WDR90: variants seen among roughly 807,000 people sequenced by gnomAD.
WDR90 encodes WD repeat domain 90.
WDR90 carries 238 observed loss-of-function variants against 195.2 expected under a neutral mutation model. The observed-to-expected ratio is 1.22, with a 90% CI of 1.10 to 1.36. WDR90 has a LOEUF of 1.36. Among genes scored for constraint, WDR90 ranks in the 40% most tolerant of loss-of-function variants. The pLI, the probability that WDR90 is intolerant of heterozygous loss-of-function variation, is 0.00. For missense variants in WDR90, 2,734 were observed against 2,439.5 expected, an observed-to-expected ratio of 1.12 and a Z score of -2.54; for synonymous variants, 1,265 against 1,052.4, an observed-to-expected ratio of 1.20 and a Z score of -3.91.
At chr16:665,571 A>T (rs1232097899) in intron 34 of WDR90, 108 bp from the exon 35 acceptor site, 1 of 1,568,788 alleles carries the variant, frequency 6.4e-7, no homozygotes, top group Non-Finnish European at 8.7e-7. Flanking sequence ...CCAGAGGCAC[A>T]TGCTCTGGTT....
Position 655,026 on chromosome 16 carries a change from C to G in WDR90, c.1438-3C>G, listed in dbSNP as rs1325404848. 1.2e-6 allele frequency: 2 copies of G among 1,612,106 alleles called. No individual in the cohort carries two copies. Among genetic ancestry groups the G allele is most frequent in the African/African-American group, 1.3e-5 (1 of 75,032 alleles). On this transcript the variant is annotated splice_region_variant and splice_polypyrimidine_tract_variant and intron_variant, in intron 13 of 40. Transcript: ENST00000293879. ...GTGCGGGCTCAGCCTGGGCTTGTTGCAGATGGTGGTGGCCTGGGGCACCGG... is the reference window on the plus strand; with the variant it reads ...GTGCGGGCTCAGCCTGGGCTTGTTGGAGATGGTGGTGGCCTGGGGCACCGG...
chr16:652,640 G>A, intron 10 of WDR90, 105 bp downstream of exon 10: 3 of 1,236,544 alleles, frequency 2.4e-6, no homozygotes, highest in South Asian at 2.4e-5. Context: ...GTGGCTGTGT[G>A]TGGGCTCCCG....
At position 653,634 on chromosome 16, in the gene WDR90, T is replaced by C. The variant is rs911477210; in HGVS notation, c.1343T>C (p.Leu448Pro). 1.2e-6 allele frequency: 2 copies of C among 1,613,556 alleles called. No homozygotes were observed. The highest frequency in any genetic ancestry group is 1.7e-5 in the Admixed American group (1 of 60,022). The change falls in exon 12 of 41, where the codon CTG becomes CCG. Residue 448 changes from leucine to proline, a missense_variant. Transcript: ENST00000293879. ...TTCCAGACCGGGCGGTGCTTGTGCCTGTTCCGGAGCCCAATGCACGTTGTC... is the reference window on the plus strand; with the variant it reads ...TTCCAGACCGGGCGGTGCTTGTGCCCGTTCCGGAGCCCAATGCACGTTGTC... ...WDFQTGRCLC[L>P]FRSPMHVVCS...
chr16:666,237 G>A lies in WDR90; in HGVS notation c.4627G>A (p.Gly1543Arg). Residue 1543 changes from glycine to arginine, a missense_variant, in exon 37 of 41, where the codon GGA becomes AGA. By Grantham distance (125) the Gly-to-Arg change is moderately radical. Transcript: ENST00000293879. ...FSTDGQTVLSGDKDGLVAVSH... is the reference protein window; with the variant it reads ...FSTDGQTVLSRDKDGLVAVSH... ...GGTCCCAGGTCAGACTGTCCTCTCT[G>A]GAGACAAGGATGGGCTCGTGGCTGT... is the stretch of plus-strand genomic sequence containing the variant. 1 of 1,612,654 alleles carries A rather than the reference G, an allele frequency of 6.2e-7. No individual in the cohort carries two copies. Among genetic ancestry groups the A allele is most frequent in the Non-Finnish European group, 8.5e-7 (1 of 1,179,922 alleles).
chr16:650,635 A>G lies in WDR90; in HGVS notation c.485A>G (p.His162Arg). 1 of 1,612,808 alleles carries G rather than the reference A, an allele frequency of 6.2e-7. No homozygotes were observed. The highest frequency in any genetic ancestry group is 8.5e-7 in the Non-Finnish European group (1 of 1,179,944). ...GTCTACCTGAACCGGTGCTACGGCCATCTCAAGAGCATCAGGCTGTGCGCC... is the reference window on the plus strand; with the variant it reads ...GTCTACCTGAACCGGTGCTACGGCCGTCTCAAGAGCATCAGGCTGTGCGCC... ...LLVYLNRCYG[H>R]LKSIRLCASL... The change falls in exon 5 of 41, where the codon CAT (histidine) becomes CGT (arginine). Residue 162 changes from histidine to arginine, a missense_variant. By Grantham distance (29) the His-to-Arg change is conservative. Transcript: ENST00000293879.
intron 34 of WDR90, among the ~76,000 whole-genome samples, chr16:664,323 C>T (rs1241258983): frequency 6.6e-6 from 1 of 152,226 alleles, no homozygotes; most frequent in Non-Finnish European, 1.5e-5. Context: ...ACTGGCTCAC[C>T]TGGCTTCTCA....
intron 34 of WDR90, chr16:665,440 G>A (rs372302997): frequency 1.7e-4 from 108 of 619,242 alleles, no homozygotes; most frequent in Admixed American, 3.2e-4. Flanking sequence ...CTTTCTCCTC[G>A]GTATCCCGCC....
chr16:652,570 CGTT>C (rs2037668530), intron 10 of WDR90, 35 bp downstream of exon 10: 4 of 1,570,566 alleles, frequency 2.5e-6, no homozygotes, highest in African/African-American at 1.4e-5. Context: ...GAGCAGCTCT[CGTT>C]GGCCGGCTCG....
chr16:651,630 TTGCTC>T lies in WDR90; in HGVS notation c.737-11_737-7del, dbSNP rs778001791. 32 of 1,611,110 alleles carry T rather than the reference TTGCTC, an allele frequency of 2.0e-5. No homozygotes were observed. The highest frequency in any genetic ancestry group is 2.5e-5 in the Non-Finnish European group (30 of 1,179,512). On this transcript the variant is annotated splice_polypyrimidine_tract_variant and intron_variant, in intron 7 of 40. Coordinates refer to ENST00000293879, the MANE Select transcript of WDR90 (RefSeq NM_145294.5). ...CTGGCCCCTGGGTCACTGGGGTTCT[TTGCTC>T]TGTTCTAGTCCTCCTGGGGCCGGGG...
In WDR90 at chr16:653,389, GTCA is replaced by G. The variant is rs2037683775; in HGVS notation, c.1174_1176del (p.Ile392del). The G allele has an allele frequency of 2.5e-6, 4 of 1,605,358 alleles. No individual in the cohort carries two copies. The highest frequency in any genetic ancestry group is 1.7e-6 in the Non-Finnish European group (2 of 1,176,952). ...GGCTGTCGTGTACCCCTGCCATGCG[GTCA>G]TCGTCGTCCTGCTCGTGGACACGGG... On this transcript the variant is annotated inframe_deletion, in exon 11 of 41. Transcript: ENST00000293879.
At position 662,997 on chromosome 16, in the gene WDR90, G is replaced by A. The variant is rs1222806529; in HGVS notation, c.4311+153G>A. ...GGGGTTCCCAGCGGGGAAGTCTTGG[G>A]TGTGCACGTCCCCTCAAAGCCGTCC... is the stretch of plus-strand genomic sequence containing the variant. On this transcript the variant is annotated intron_variant, in intron 34 of 40. Coordinates refer to ENST00000293879, the MANE Select transcript of WDR90 (RefSeq NM_145294.5). The A allele has an allele frequency of 3.4e-6, 4 of 1,183,596 alleles. No individual in the cohort carries two copies. In the African/African-American group the frequency reaches 6.1e-5, roughly 18 times the overall value. The allele number at this position is 1,183,596 out of a possible 1,614,324, so 73.3% of individuals were successfully genotyped here.
rs2037609535 is a variant in WDR90 at position 650,019 on chromosome 16, G to A, written c.131G>A (p.Arg44His). 1 of 1,612,760 alleles carries A rather than the reference G, an allele frequency of 6.2e-7. No individual in the cohort carries two copies. The highest frequency in any genetic ancestry group is 8.5e-7 in the Non-Finnish European group (1 of 1,179,970). The change falls in exon 3 of 41, where the codon CGC becomes CAC. Residue 44 changes from arginine (R) to histidine (H), a missense_variant. By Grantham distance (29) the Arg-to-His change is conservative. Coordinates refer to ENST00000293879, the MANE Select transcript of WDR90 (RefSeq NM_145294.5). ...TDKTLKGAVY[R>H]IRGSVSAANY... ...AAGACCCTGAAGGGCGCCGTGTATC[G>A]CATTCGGGGCTCAGTCTCTGCCGCC...
In WDR90 at chr16:666,531, C is replaced by T. The variant is rs200386315; in HGVS notation, c.4817C>T (p.Ser1606Phe). Residue 1606 changes from serine to phenylalanine, a missense_variant, in exon 38 of 41, where the codon TCC (serine) becomes TTC (phenylalanine). Coordinates refer to ENST00000293879, the MANE Select transcript of WDR90 (RefSeq NM_145294.5). ...SGDQRVSVWA[S>F]DWLRNHCELV... The stretch of plus-strand genomic sequence containing the variant: ...GACCAGCGGGTCAGCGTCTGGGCCT[C>T]CGACTGGCTGCGGAACCACTGTGAG... 103 of 1,612,634 alleles carry T rather than the reference C, an allele frequency of 6.4e-5. No individual in the cohort carries two copies. Among genetic ancestry groups the T allele is most frequent in the Non-Finnish European group, 3.4e-6 (4 of 1,179,976 alleles).
chr16:662,821 C>T lies in WDR90; in HGVS notation c.4288C>T (p.Leu1430Phe). The part of the protein sequence containing the change: ...VSWAEGTSTR[L>F]ISGHRSKVNE... Reference sequence around the variant, plus strand: ...CTGGGCCGAGGGCACCAGCACACGTCTCATCAGTGGCCACAGGAGCAAGGT... The same window carrying T: ...CTGGGCCGAGGGCACCAGCACACGTTTCATCAGTGGCCACAGGAGCAAGGT... Residue 1430 changes from leucine (L) to phenylalanine (F), a missense_variant, in exon 34 of 41, where the codon CTC (leucine) becomes TTC (phenylalanine). Coordinates refer to ENST00000293879, the MANE Select transcript of WDR90 (RefSeq NM_145294.5). The T allele has an allele frequency of 3.8e-6, 6 of 1,581,096 alleles. No homozygotes were observed. Among genetic ancestry groups the T allele is most frequent in the Non-Finnish European group, 5.1e-6 (6 of 1,166,196 alleles).
Position 655,722 on chromosome 16 carries a change from C to T in WDR90, c.1849+19C>T, listed in dbSNP as rs1012907222. The T allele has an allele frequency of 1.9e-6, 3 of 1,582,532 alleles. No individual in the cohort carries two copies. The highest frequency in any genetic ancestry group is 1.1e-5 in the South Asian group (1 of 87,636). On this transcript the variant is annotated intron_variant, in intron 16 of 40. Coordinates refer to ENST00000293879, the MANE Select transcript of WDR90 (RefSeq NM_145294.5). ...AGCTCAGGTAAGAGGGCGCCCACCA[C>T]GTGGCCAGGGTGGCAGGGACACCGA...
intron 20 of WDR90, 144 bp downstream of exon 20, chr16:657,365 T>C: frequency 6.3e-6 from 8 of 1,261,556 alleles, no homozygotes; most frequent in Non-Finnish European, 8.5e-6. Context: ...TCAGTAACCT[T>C]GTCAAGGCCC....
rs1482053044 is a variant in WDR90, at chr16:655,335, C to A, written c.1585C>A (p.Arg529=). 1 of 1,603,312 alleles carries A rather than the reference C, an allele frequency of 6.2e-7. No homozygotes were observed. The highest frequency in any genetic ancestry group is 8.5e-7 in the Non-Finnish European group (1 of 1,179,400). ...GGCGTCGTGCGGGCAGGGCAGTGTGCGGCTCTGGCGGCTGCGTGGCGGGGT... is the reference window on the plus strand; with the variant it reads ...GGCGTCGTGCGGGCAGGGCAGTGTGAGGCTCTGGCGGCTGCGTGGCGGGGT... The part of the protein sequence containing the change: ...RMASCGQGSV[R]LWRLRGGVLR... Residue 529 remains arginine, a synonymous_variant, in exon 15 of 41, where the codon CGG becomes AGG. Coordinates refer to ENST00000293879, the MANE Select transcript of WDR90 (RefSeq NM_145294.5).
chr16:657,703 C>A (rs1567218097), intron 20 of WDR90, 59 bp from the exon 21 acceptor site: 1 of 1,475,624 alleles, frequency 6.8e-7, no homozygotes, highest in East Asian at 2.6e-5. Flanking sequence ...TCCTCGGGCC[C>A]TGGCCACGCG....
At chr16:649,340 G>A (rs1859164111), upstream of WDR90, 1 of 1,314,254 alleles carries the variant, frequency 7.6e-7, no homozygotes, top group South Asian at 2.0e-5. Context: ...TTGCCAGGCA[G>A]CCGTTGCCTG....
Sources: allele counts gnomAD v4.1 joint callset (sites outside exome capture counted in the v4.1 genomes callset), GRCh38; gene constraint gnomAD v4.1.1; transcripts MANE v1.5; gene names NCBI Gene and HGNC (gene_info 2026-07-23, HGNC 2026-07-21).